SPIDR: variants seen among roughly 807,000 people sequenced by gnomAD.
The protein encoded by SPIDR is scaffold protein involved in DNA repair.
A neutral mutation model predicts 104.6 loss-of-function variants in SPIDR; 93 were observed. The observed-to-expected ratio is 0.89, with a 90% CI of 0.75 to 1.06. The LOEUF (loss-of-function observed/expected upper bound fraction) is 1.06. Ranked by LOEUF, SPIDR falls within the 50% of genes least tolerant of loss-of-function variation. SPIDR has a pLI of 0.00. For missense variants in SPIDR, 1,154 were observed against 1,111.2 expected (o/e 1.04, Z -0.55); for synonymous variants, 431 against 416.9 (o/e 1.03, Z -0.41).
rs765775376 is a variant in SPIDR, at chr8:47,735,367, T to G, written c.2665T>G (p.Ser889Ala). ...GGGGTTGTTAAATTGTTTTGTCCAG[T>G]CCGTAACCGCCCACCCGACCAGCTG... ...EVGLLNCFVQ[S>A]VTAHPTSCIG... The change falls in exon 20 of 20, where the codon TCC becomes GCC. Residue 889 changes from serine (S) to alanine (A), a missense_variant. Coordinates refer to ENST00000297423, the MANE Select transcript of SPIDR (RefSeq NM_001080394.4). The G allele has an allele frequency of 6.2e-7, 1 of 1,614,028 alleles. No individual in the cohort carries two copies. The highest frequency in any genetic ancestry group is 8.5e-7 in the Non-Finnish European group (1 of 1,180,032).
intron 1 of SPIDR, among the ~76,000 whole-genome samples, chr8:47,262,186 A>C (rs1465681633): frequency 6.6e-6 from 1 of 152,182 alleles, no homozygotes; most frequent in African/African-American, 2.4e-5. Flanking sequence ...CTAGAGCTCA[A>C]ACTTAGTGCA....
At chr8:47,411,210 A>T (rs1385852909) in intron 7 of SPIDR, among the ~76,000 whole-genome samples, 56 of 152,242 alleles carry the variant, frequency 3.7e-4, no homozygotes, top group African/African-American at 1.2e-3. Flanking sequence ...GTAATTCTAG[A>T]TCTAGATCCC....
chr8:47,685,134 C>T (rs924850938), intron 11 of SPIDR, among the ~76,000 whole-genome samples: 77 of 152,290 alleles, frequency 5.1e-4, no homozygotes, highest in African/African-American at 1.7e-3. Flanking sequence ...ATCGCTTGAA[C>T]CCTGGAGGCA....
chr8:47,540,941 C>T (rs1290358823), intron 8 of SPIDR, among the ~76,000 whole-genome samples: 1 of 152,194 alleles, frequency 6.6e-6, no homozygotes, highest in Non-Finnish European at 1.5e-5. Flanking sequence ...CTCACTACAA[C>T]CTCTACTTCT....
intron 10 of SPIDR, among the ~76,000 whole-genome samples, chr8:47,662,959 A>G (rs2074353933): frequency 6.6e-6 from 1 of 152,208 alleles, no homozygotes; most frequent in Non-Finnish European, 1.5e-5. Flanking sequence ...CAGCCTCCAG[A>G]ACTGTGAGCA....
At chr8:47,397,399 G>C (rs1588152570) in intron 6 of SPIDR, among the ~76,000 whole-genome samples, 1 of 152,080 alleles carries the variant, frequency 6.6e-6, no homozygotes, top group Non-Finnish European at 1.5e-5. Flanking sequence ...AGGAGGCCGA[G>C]GCAGGAGAAT....
intron 8 of SPIDR, among the ~76,000 whole-genome samples, chr8:47,453,172 T>A (rs1204469699): frequency 6.6e-6 from 1 of 152,178 alleles, no homozygotes; most frequent in Non-Finnish European, 1.5e-5. Context: ...GAAGGACCTC[T>A]TCAAGGAGAA....
At chr8:47,405,899 G>A (rs1424940404) in intron 6 of SPIDR, among the ~76,000 whole-genome samples, 1 of 152,142 alleles carries the variant, frequency 6.6e-6, no homozygotes, top group East Asian at 1.9e-4. Flanking sequence ...GGAATTCCCT[G>A]CATAACAGGC....
intron 7 of SPIDR, among the ~76,000 whole-genome samples, chr8:47,422,126 T>C (rs1340214444): frequency 6.6e-6 from 1 of 152,214 alleles, no homozygotes; most frequent in Non-Finnish European, 1.5e-5. Flanking sequence ...ACCACTACTC[T>C]CTTCAAAGCT....
At chr8:47,582,772 G>T (rs770899596) in intron 8 of SPIDR, among the ~76,000 whole-genome samples, 6 of 150,344 alleles carry the variant, frequency 4.0e-5, no homozygotes, top group Non-Finnish European at 8.9e-5. Context: ...GAGGCTGAAG[G>T]GTCACTTGTT....
chr8:47,323,771 T>A (rs1237243660), intron 5 of SPIDR, among the ~76,000 whole-genome samples: 3 of 152,164 alleles, frequency 2.0e-5, no homozygotes, highest in Non-Finnish European at 2.9e-5. Flanking sequence ...TTGTAATAGA[T>A]TTAGAAGTAG....
intron 7 of SPIDR, among the ~76,000 whole-genome samples, chr8:47,431,384 T>C (rs2067342298): frequency 6.6e-6 from 1 of 152,192 alleles, no homozygotes; most frequent in Admixed American, 6.5e-5. Context: ...AACACACCCC[T>C]GTTGTTTGGC....
intron 8 of SPIDR, among the ~76,000 whole-genome samples, chr8:47,487,731 T>C (rs1020224646): frequency 6.6e-6 from 1 of 152,182 alleles, no homozygotes; most frequent in African/African-American, 2.4e-5. Context: ...ACATGGAAAC[T>C]GCACAACGTG....
At chr8:47,358,042 A>G (rs1213215173) in intron 5 of SPIDR, among the ~76,000 whole-genome samples, 14 of 152,136 alleles carry the variant, frequency 9.2e-5, no homozygotes. Context: ...CCAGTAAATG[A>G]CTGTTCGGCA....
At chr8:47,302,364 T>C (rs1336339335) in intron 5 of SPIDR, among the ~76,000 whole-genome samples, 2 of 152,128 alleles carry the variant, frequency 1.3e-5, no homozygotes, top group Non-Finnish European at 2.9e-5. Context: ...TTTCCAAGAT[T>C]TTTAACTTCT....
intron 10 of SPIDR, chr8:47,654,250 T>C (rs2072263502): frequency 1.7e-6 from 2 of 1,143,510 alleles, no homozygotes; most frequent in African/African-American, 3.2e-5. Flanking sequence ...AAGAGACAGG[T>C]TGGGAAGCAC....
chr8:47,477,215 T>C (rs1564081996), intron 8 of SPIDR, among the ~76,000 whole-genome samples: 1 of 152,148 alleles, frequency 6.6e-6, no homozygotes, highest in Non-Finnish European at 1.5e-5. Flanking sequence ...ATTTTTTTTT[T>C]TTGAGACAGA....
chr8:47,272,118 C>A (rs2035453968), intron 1 of SPIDR, among the ~76,000 whole-genome samples: 1 of 152,122 alleles, frequency 6.6e-6, no homozygotes, highest in African/African-American at 2.4e-5. Context: ...CAGGTGCGCG[C>A]CACCACACCC....
In SPIDR at chr8:47,330,418, CTG is replaced by C. The variant is rs1281272746; in HGVS notation, c.525+36391_525+36392del. Among the ~76,000 whole-genome samples the C allele has an allele frequency of 2.0e-5, 3 of 152,278 alleles. No homozygotes were observed. The East Asian group carries it at 5.8e-4, about 29-fold the overall frequency. On this transcript the variant is annotated intron_variant, in intron 5 of 19. Transcript: ENST00000297423. Reference sequence around the variant, plus strand: ...GGGTTAATTCTTGGCGTTGTATATTCTGTGAGTTTGAACAAATGTATAAAAAT... The same window carrying C: ...GGGTTAATTCTTGGCGTTGTATATTCTGAGTTTGAACAAATGTATAAAAAT...
Sources: gnomAD v4.1 joint callset for allele counts (sites outside exome capture counted in the v4.1 genomes callset) on GRCh38, gnomAD v4.1.1 for gene constraint, MANE v1.5 for transcripts, NCBI Gene and HGNC (gene_info 2026-07-23, HGNC 2026-07-21) for gene names.